FAM91A1: variants seen among roughly 807,000 people sequenced by gnomAD.
FAM91A1 encodes protein FAM91A1.
FAM91A1 carries 41 observed loss-of-function variants against 113.5 expected under a neutral mutation model. The ratio of observed to expected loss-of-function variants is 0.36; its 90% CI spans 0.28 to 0.47. FAM91A1 has a LOEUF of 0.47. Ranked by LOEUF, FAM91A1 falls within the 20% of genes least tolerant of loss-of-function variation. The pLI is 1.00. For synonymous variants in FAM91A1, 307 were observed against 347.9 expected (o/e 0.88, Z 1.31); for missense variants, 696 against 1,001.2 (o/e 0.70, Z 4.11).
At chr8:123,806,324 C>A (rs1815811125) in intron 20 of FAM91A1, 95 bp downstream of exon 20, 51 of 1,295,222 alleles carry the variant, frequency 3.9e-5, no homozygotes, top group Admixed American at 4.8e-5. Context: ...TGTGGGGATG[C>A]TGAATTATTG....
At position 123,813,488 on chromosome 8, in the gene FAM91A1, C is replaced by G. The variant is rs1816006249; in HGVS notation, c.*784C>G. 3.3e-5 allele frequency: 5 copies of G among 152,572 alleles called. No individual in the cohort carries two copies. Among genetic ancestry groups the G allele is most frequent in the Admixed American group, 3.3e-4 (5 of 15,280 alleles). The allele number at this position is 152,572 out of a possible 1,614,324, so 9.5% of individuals were successfully genotyped here. ...CTCTTGTAGCTATAGCTGCTGCACA[C>G]TTTCACCCTGATTTATTTTTTTGTT... is the stretch of plus-strand genomic sequence containing the variant. On this transcript the variant is annotated 3_prime_UTR_variant, in exon 24 of 24. Coordinates refer to ENST00000334705, the MANE Select transcript of FAM91A1 (RefSeq NM_144963.4).
In FAM91A1 at chr8:123,814,121, G is replaced by A; in HGVS notation, c.*1417G>A. The A allele has an allele frequency of 2.6e-6, 1 of 379,646 alleles. No homozygotes were observed. The highest frequency in any genetic ancestry group is 5.0e-6 in the Non-Finnish European group (1 of 201,322). 23.5% of individuals were successfully genotyped at this position (379,646 alleles called of 1,614,324 possible). A position where few individuals can be genotyped will look rare whatever the true frequency, so the allele number is the denominator to read the frequency against. On this transcript the variant is annotated 3_prime_UTR_variant, in exon 24 of 24. Coordinates refer to ENST00000334705, the MANE Select transcript of FAM91A1 (RefSeq NM_144963.4). ...CTGTGGCACAGTCAGTGCTGTGTTT[G>A]AGGTAAATGCAGTAACGGTTAGTTT...
At chr8:123,809,292 T>C (rs1815891719) in intron 22 of FAM91A1, among the ~76,000 whole-genome samples, 1 of 152,202 alleles carries the variant, frequency 6.6e-6, no homozygotes, top group Admixed American at 6.5e-5. Context: ...GAAATGGGCA[T>C]GCTGATATGG....
intron 18 of FAM91A1, among the ~76,000 whole-genome samples, chr8:123,802,336 A>G (rs2130140630): frequency 6.6e-6 from 1 of 152,306 alleles, no homozygotes; most frequent in East Asian, 1.9e-4. Context: ...TATCTGAGAG[A>G]GATGGGAAGA....
chr8:123,803,624 T>TTTG (rs1815739224), intron 18 of FAM91A1, among the ~76,000 whole-genome samples: 1 of 152,112 alleles, frequency 6.6e-6, no homozygotes, highest in Non-Finnish European at 1.5e-5. Flanking sequence ...TTTTAAAGTG[T>TTTG]TTGTTAAGGA....
At position 123,787,331 on chromosome 8, in the gene FAM91A1, C is replaced by T. The variant is rs1420725128; in HGVS notation, c.1149C>T (p.Asp383=). ...CGAAGCGCATCGCATTCCTGTTTGACTCCACTCTTACTGCCTTCTTAATGA... is the reference window on the plus strand; with the variant it reads ...CGAAGCGCATCGCATTCCTGTTTGATTCCACTCTTACTGCCTTCTTAATGA... ...GHTKRIAFLF[D]STLTAFLMMG... The change falls in exon 13 of 24, where the codon GAC becomes GAT. Residue 383 remains aspartate (D), a synonymous_variant. Coordinates refer to ENST00000334705, the MANE Select transcript of FAM91A1 (RefSeq NM_144963.4). 1 of 1,611,850 alleles carries T rather than the reference C, an allele frequency of 6.2e-7. No homozygotes were observed. Among genetic ancestry groups the T allele is most frequent in the Non-Finnish European group, 8.5e-7 (1 of 1,179,712 alleles).
At chr8:123,796,598 A>G (rs1586387395) in intron 15 of FAM91A1, among the ~76,000 whole-genome samples, 1 of 151,304 alleles carries the variant, frequency 6.6e-6, no homozygotes, top group Non-Finnish European at 1.5e-5. Flanking sequence ...AGCTGGGACT[A>G]TGGGTACGTG....
Position 123,780,073 on chromosome 8 carries a change from A to G in FAM91A1, c.638A>G (p.His213Arg). The G allele has an allele frequency of 4.3e-6, 7 of 1,610,092 alleles. No homozygotes were observed. The highest frequency in any genetic ancestry group is 5.9e-6 in the Non-Finnish European group (7 of 1,177,826). Residue 213 changes from histidine to arginine, a missense_variant and splice_region_variant, in exon 7 of 24, where the codon CAT becomes CGT. By Grantham distance (29) the His-to-Arg change is conservative. Coordinates refer to ENST00000334705, the MANE Select transcript of FAM91A1 (RefSeq NM_144963.4). ...LSGSLDYNVVHSLYNKGFIYL... is the reference protein window; with the variant it reads ...LSGSLDYNVVRSLYNKGFIYL... ...GGATCACTAGATTACAATGTAGTACATAGTAAGTGGTTAGTAGAAATGGTC... is the reference window on the plus strand; with the variant it reads ...GGATCACTAGATTACAATGTAGTACGTAGTAAGTGGTTAGTAGAAATGGTC...
intron 1 of FAM91A1, among the ~76,000 whole-genome samples, chr8:123,772,204 T>A (rs925069349): frequency 2.0e-5 from 3 of 152,236 alleles, no homozygotes; most frequent in Non-Finnish European, 2.9e-5. Context: ...GGACCAGTTA[T>A]TACTTAATGC....
At chr8:123,799,678 T>C in intron 17 of FAM91A1, 24 bp downstream of exon 17, 3 of 1,612,222 alleles carry the variant, frequency 1.9e-6, no homozygotes, top group Non-Finnish European at 2.5e-6. Flanking sequence ...GTTTGGGTGG[T>C]TTTTTTATGT....
At chr8:123,799,060 G>A (rs1015786660) in intron 16 of FAM91A1, among the ~76,000 whole-genome samples, 4 of 152,170 alleles carry the variant, frequency 2.6e-5, no homozygotes, top group African/African-American at 9.7e-5. Context: ...TGGATGGAAG[G>A]GTGGGCGATT....
intron 15 of FAM91A1, among the ~76,000 whole-genome samples, chr8:123,793,941 A>G (rs911751932): frequency 6.6e-6 from 1 of 152,250 alleles, no homozygotes; most frequent in Non-Finnish European, 1.5e-5. Flanking sequence ...AAGAATAAGA[A>G]TGCTTAAAAT....
chr8:123,768,892 C>T (rs893975438), intron 1 of FAM91A1, 118 bp downstream of exon 1: 18 of 1,039,620 alleles, frequency 1.7e-5, no homozygotes, highest in African/African-American at 1.4e-4. Flanking sequence ...TCCTTTACTC[C>T]TCCGTGGTCT....
chr8:123,779,860 G>A (rs962089772), intron 6 of FAM91A1, 125 bp from the exon 7 acceptor site: 8 of 738,566 alleles, frequency 1.1e-5, no homozygotes, highest in Non-Finnish European at 1.7e-5. Flanking sequence ...ATTATAGAGT[G>A]ATAAATATGT....
intron 8 of FAM91A1, among the ~76,000 whole-genome samples, chr8:123,783,831 T>C (rs1354577309): frequency 2.0e-5 from 3 of 152,150 alleles, no homozygotes; most frequent in African/African-American, 7.2e-5. Flanking sequence ...TGGAGAGTGA[T>C]GGTTGGGCTG....
chr8:123,783,071 G>A (rs1815162975), intron 8 of FAM91A1, among the ~76,000 whole-genome samples: 1 of 152,110 alleles, frequency 6.6e-6, no homozygotes, highest in Admixed American at 6.6e-5. Flanking sequence ...AGCTACTTGG[G>A]GGACTGGGGC....
At position 123,785,064 on chromosome 8, in the gene FAM91A1, T is replaced by G; in HGVS notation, c.811-17T>G. 1 of 1,569,526 alleles carries G rather than the reference T, an allele frequency of 6.4e-7. No individual in the cohort carries two copies. Among genetic ancestry groups the G allele is most frequent in the South Asian group, 1.2e-5 (1 of 84,244 alleles). ...AATTCTAAGAATGTAAAAATAAATT[T>G]TAATTTTATCTTCTAGCTTGCAAAT... On this transcript the variant is annotated splice_polypyrimidine_tract_variant and intron_variant, in intron 9 of 23. Transcript: ENST00000334705.
chr8:123,785,064 T>C lies in FAM91A1; in HGVS notation c.811-17T>C. On this transcript the variant is annotated splice_polypyrimidine_tract_variant and intron_variant, in intron 9 of 23. Coordinates refer to ENST00000334705, the MANE Select transcript of FAM91A1 (RefSeq NM_144963.4). ...AATTCTAAGAATGTAAAAATAAATTTTAATTTTATCTTCTAGCTTGCAAAT... is the reference window on the plus strand; with the variant it reads ...AATTCTAAGAATGTAAAAATAAATTCTAATTTTATCTTCTAGCTTGCAAAT... 6.4e-7 allele frequency: 1 copy of C among 1,569,526 alleles called. No individual in the cohort carries two copies. Among genetic ancestry groups the C allele is most frequent in the African/African-American group, 1.4e-5 (1 of 73,142 alleles).
chr8:123,791,259 G>C (rs896086528), intron 15 of FAM91A1, among the ~76,000 whole-genome samples: 17 of 151,300 alleles, frequency 1.1e-4, no homozygotes, highest in African/African-American at 4.1e-4. Flanking sequence ...AAATGGAAGA[G>C]CCAGGAATGG....
Sources: gnomAD v4.1 joint callset for allele counts (sites outside exome capture counted in the v4.1 genomes callset) on GRCh38, gnomAD v4.1.1 for gene constraint, MANE v1.5 for transcripts, NCBI Gene and HGNC (gene_info 2026-07-23, HGNC 2026-07-21) for gene names.